MOB1B: variants seen among roughly 807,000 people sequenced by gnomAD.
MOB1B encodes the protein MOB kinase activator 1B, also known as MOB1 Mps One Binder homolog B.
Under a neutral mutation model 24.4 loss-of-function variants are expected in MOB1B, and 19 were observed. The observed-to-expected ratio is 0.78, with a 90% confidence interval of 0.54 to 1.14. The LOEUF (loss-of-function observed/expected upper bound fraction) is 1.14, where lower values mean the gene tolerates loss of function less well. Ranked by LOEUF, MOB1B falls within the 50% of genes most tolerant of loss-of-function variation. The pLI, the probability that MOB1B is intolerant of heterozygous loss-of-function variation, is 0.00. For missense variants in MOB1B, 243 were observed against 259.6 expected, an observed-to-expected ratio of 0.94 and a Z score of 0.44; for synonymous variants, 76 against 82.1, an observed-to-expected ratio of 0.93 and a Z score of 0.40.
rs115455295 is a variant in MOB1B at position 70,935,026 on chromosome 4, C to G, written c.15-23848C>G. Reference sequence around the variant, plus strand: ...AGATCATAGCTGTAGCCTCCCACTTCTGGGCTCAAATGATCCTTCTGCCTA... The same window carrying G: ...AGATCATAGCTGTAGCCTCCCACTTGTGGGCTCAAATGATCCTTCTGCCTA... On this transcript the variant is annotated intron_variant, in intron 1 of 5. Transcript: ENST00000309395. Among the ~76,000 whole-genome samples, 298 of 152,252 alleles carry G rather than the reference C, an allele frequency of 2.0e-3. 1 individual carries two copies. Among genetic ancestry groups the G allele is most frequent in the African/African-American group, 6.8e-3 (284 of 41,548 alleles).
intron 1 of MOB1B, among the ~76,000 whole-genome samples, chr4:70,916,053 C>T (rs1305149553): frequency 6.6e-6 from 1 of 152,182 alleles, no homozygotes; most frequent in Non-Finnish European, 1.5e-5. Context: ...CTAGGATCTA[C>T]ATGTTTCCTT....
intron 3 of MOB1B, among the ~76,000 whole-genome samples, chr4:70,972,276 C>T (rs950648315): frequency 8.5e-5 from 13 of 152,060 alleles, no homozygotes; most frequent in African/African-American, 2.9e-4. Flanking sequence ...TGCAGTGGTG[C>T]GATCTTGGCT....
chr4:70,919,971 A>G (rs1056251974), intron 1 of MOB1B, among the ~76,000 whole-genome samples: 22 of 152,200 alleles, frequency 1.4e-4, no homozygotes, highest in Non-Finnish European at 2.6e-4. Context: ...ACAATTTTCA[A>G]AAGCCAAAGA....
intron 1 of MOB1B, among the ~76,000 whole-genome samples, chr4:70,920,674 TTC>T (rs1000843389): frequency 6.6e-6 from 1 of 152,162 alleles, no homozygotes; most frequent in African/African-American, 2.4e-5. Flanking sequence ...GTTTTCTGGG[TTC>T]TCTCTCTCTG....
chr4:70,917,728 A>G (rs1319703427), intron 1 of MOB1B, among the ~76,000 whole-genome samples: 1 of 152,210 alleles, frequency 6.6e-6, no homozygotes, highest in Non-Finnish European at 1.5e-5. Flanking sequence ...ACAACCAGAA[A>G]ACATGCATTG....
intron 1 of MOB1B, among the ~76,000 whole-genome samples, chr4:70,907,002 ATAAT>A (rs1309540248): frequency 6.6e-6 from 1 of 152,202 alleles, no homozygotes; most frequent in African/African-American, 2.4e-5. Flanking sequence ...GAAGTGGGTG[ATAAT>A]TAATGGAAGG....
chr4:70,981,172 C>T (rs182861744), intron 5 of MOB1B, among the ~76,000 whole-genome samples: 1 of 152,316 alleles, frequency 6.6e-6, no homozygotes, highest in East Asian at 1.9e-4. Flanking sequence ...TTGGCCCAGA[C>T]TCTACAAATC....
intron 1 of MOB1B, among the ~76,000 whole-genome samples, chr4:70,924,146 A>C (rs913163915): frequency 2.6e-5 from 4 of 152,126 alleles, no homozygotes; most frequent in Non-Finnish European, 5.9e-5. Context: ...TAGAGAATCC[A>C]TTTGTTTGCT....
At chr4:70,917,040 T>G (rs1443505584) in intron 1 of MOB1B, among the ~76,000 whole-genome samples, 1 of 152,228 alleles carries the variant, frequency 6.6e-6, no homozygotes, top group Non-Finnish European at 1.5e-5. Flanking sequence ...TAGAGTGTAT[T>G]ATGAGGGATA....
intron 1 of MOB1B, among the ~76,000 whole-genome samples, chr4:70,958,307 A>G (rs1182928637): frequency 6.6e-6 from 1 of 151,610 alleles, no homozygotes; most frequent in African/African-American, 2.4e-5. Context: ...TGGGATTACA[A>G]GGACCCGCCA....
intron 1 of MOB1B, among the ~76,000 whole-genome samples, chr4:70,905,941 C>A (rs1735718398): frequency 6.6e-6 from 1 of 151,932 alleles, no homozygotes; most frequent in Admixed American, 6.6e-5. Flanking sequence ...GTGGTGTGAG[C>A]CTGTAGTCCC....
chr4:70,979,245 A>G lies in MOB1B; in HGVS notation c.527A>G (p.Glu176Gly). 6.2e-7 allele frequency: 1 copy of G among 1,613,904 alleles called. No homozygotes were observed. The highest frequency in any genetic ancestry group is 8.5e-7 in the Non-Finnish European group (1 of 1,179,906). Residue 176 changes from glutamate to glycine, a missense_variant, in exon 5 of 6, where the codon GAA (glutamate) becomes GGA (glycine). Glu to Gly is a moderately conservative substitution (Grantham distance 98). Transcript: ENST00000309395. ...GACCCTGTGATCCAGCTTCAGGAGG[A>G]AGCACATCTAAATACATCTTTCAAG... ...HFDPVIQLQE[E>G]AHLNTSFKHF...
At chr4:70,921,078 A>G (rs540311496) in intron 1 of MOB1B, among the ~76,000 whole-genome samples, 53 of 152,340 alleles carry the variant, frequency 3.5e-4, no homozygotes, top group African/African-American at 1.3e-3. Flanking sequence ...GCAAAGCCAG[A>G]GGAGAATAAA....
chr4:70,982,251 C>T lies in MOB1B; in HGVS notation c.*194C>T. On this transcript the variant is annotated 3_prime_UTR_variant, in exon 6 of 6. Transcript: ENST00000309395. ...GCTAGGGGAAGCCAAGAACCATTCT[C>T]TATACACTTGATAAGGGTAAATTTA... 1 of 452,402 alleles carries T rather than the reference C, an allele frequency of 2.2e-6. No homozygotes were observed. Among genetic ancestry groups the T allele is most frequent in the Non-Finnish European group, 3.9e-6 (1 of 254,020 alleles). The allele number at this position is 452,402 out of a possible 1,614,324, so 28.0% of individuals were successfully genotyped here. A position where few individuals can be genotyped will look rare whatever the true frequency, so the allele number is the denominator to read the frequency against.
intron 1 of MOB1B, among the ~76,000 whole-genome samples, chr4:70,954,959 TA>T (rs1184402294): frequency 1.3e-5 from 2 of 151,638 alleles, no homozygotes; most frequent in South Asian, 2.1e-4. Flanking sequence ...CTAATTTTTG[TA>T]TTTTTAGTAG....
At chr4:70,938,065 C>CT (rs1419498517) in intron 1 of MOB1B, among the ~76,000 whole-genome samples, 1 of 151,702 alleles carries the variant, frequency 6.6e-6, no homozygotes, top group Non-Finnish European at 1.5e-5. Context: ...CTCCAAGTTA[C>CT]TTTTTTCGAT....
At chr4:70,909,925 T>G (rs1202318475) in intron 1 of MOB1B, among the ~76,000 whole-genome samples, 1 of 151,992 alleles carries the variant, frequency 6.6e-6, no homozygotes, top group Non-Finnish European at 1.5e-5. Flanking sequence ...TTTTATATAT[T>G]TAGTAGAGAT....
At chr4:70,910,788 C>CT (rs992292452) in intron 1 of MOB1B, among the ~76,000 whole-genome samples, 90 of 145,512 alleles carry the variant, frequency 6.2e-4, no homozygotes, top group East Asian at 3.2e-3. Context: ...AGTTCTGAAT[C>CT]TTTTTTTTTT....
At chr4:70,954,417 T>C (rs893681662) in intron 1 of MOB1B, among the ~76,000 whole-genome samples, 1 of 152,200 alleles carries the variant, frequency 6.6e-6, no homozygotes, top group Non-Finnish European at 1.5e-5. Flanking sequence ...AAGTTGGCCT[T>C]CACAAAATTG....
Sources: allele counts gnomAD v4.1 joint callset (sites outside exome capture counted in the v4.1 genomes callset), GRCh38; gene constraint gnomAD v4.1.1; transcripts MANE v1.5; gene names NCBI Gene and HGNC (gene_info 2026-07-23, HGNC 2026-07-21).